Variants in ASIC2 observed in about 807,000 individuals in gnomAD.
The protein encoded by ASIC2 is acid sensing ion channel subunit 2.
In ASIC2, 25 loss-of-function variants were observed where a neutral mutation model predicts 57.3. The observed-to-expected ratio is 0.44, with a 90% CI of 0.32 to 0.61. The LOEUF is 0.61. Ranked by LOEUF, ASIC2 falls within the 20% of genes least tolerant of loss-of-function variation. The pLI, the probability that ASIC2 is intolerant of heterozygous loss-of-function variation, is 0.06. For synonymous variants in ASIC2, 319 were observed against 307.5 expected, an observed-to-expected ratio of 1.04 and a Z score of -0.39; for missense variants, 641 against 738.1, an observed-to-expected ratio of 0.87 and a Z score of 1.52.
At chr17:33,221,176 C>A (rs914716275) in intron 1 of ASIC2, among the ~76,000 whole-genome samples, 2 of 152,164 alleles carry the variant, frequency 1.3e-5, no homozygotes, top group African/African-American at 4.8e-5. Context: ...CTAGGCCTGG[C>A]TCTGTTGTAA....
chr17:34,148,556 C>A (rs1904382690), intron 1 of ASIC2, among the ~76,000 whole-genome samples: 1 of 152,152 alleles, frequency 6.6e-6, no homozygotes, highest in South Asian at 2.1e-4. Context: ...AATCTAGAGA[C>A]TTTACAGACG....
At chr17:33,614,893 G>A (rs1905542614) in intron 1 of ASIC2, among the ~76,000 whole-genome samples, 1 of 152,194 alleles carries the variant, frequency 6.6e-6, no homozygotes. Context: ...CTATGGGCAA[G>A]TCACTTTTAT....
chr17:34,039,403 G>A, intron 1 of ASIC2: 1 of 1,613,818 alleles, frequency 6.2e-7, no homozygotes, highest in Non-Finnish European at 8.5e-7. Context: ...GTCAAGCCGA[G>A]GTTTTGCTAG....
At chr17:33,830,439 A>T (rs184675127) in intron 1 of ASIC2, among the ~76,000 whole-genome samples, 1 of 152,256 alleles carries the variant, frequency 6.6e-6, no homozygotes, top group East Asian at 1.9e-4. Flanking sequence ...GTTGGGCCTG[A>T]AAACAACTTG....
intron 1 of ASIC2, among the ~76,000 whole-genome samples, chr17:33,688,454 C>G (rs1908263876): frequency 6.6e-6 from 1 of 152,130 alleles, no homozygotes; most frequent in South Asian, 2.1e-4. Flanking sequence ...AGTACACCCA[C>G]TCACCTGTGA....
intron 1 of ASIC2, among the ~76,000 whole-genome samples, chr17:33,226,823 G>C (rs909906146): frequency 2.0e-5 from 3 of 152,110 alleles, no homozygotes; most frequent in Non-Finnish European, 4.4e-5. Context: ...AATATAAAAA[G>C]AGTCTCATGT....
chr17:33,950,920 T>A (rs5022069), intron 1 of ASIC2, among the ~76,000 whole-genome samples: 40,475 of 151,970 alleles, frequency 0.27, 5,825 homozygotes, highest in Admixed American at 0.36. Flanking sequence ...CTTATTATAT[T>A]AACTGTCAGT....
chr17:34,107,249 C>T (rs537147058), intron 1 of ASIC2, among the ~76,000 whole-genome samples: 1 of 152,262 alleles, frequency 6.6e-6, no homozygotes. Context: ...CAGCTGTAAT[C>T]CCAGCACTTT....
intron 1 of ASIC2, among the ~76,000 whole-genome samples, chr17:34,092,463 T>C (rs973884291): frequency 6.6e-6 from 1 of 152,166 alleles, no homozygotes; most frequent in Admixed American, 6.5e-5. Flanking sequence ...ATGTCCAATG[T>C]CATTGTGTTG....
At chr17:34,011,293 C>T (rs749186345) in intron 1 of ASIC2, among the ~76,000 whole-genome samples, 11 of 152,104 alleles carry the variant, frequency 7.2e-5, no homozygotes, top group Admixed American at 2.6e-4. Flanking sequence ...TTTTCATGCC[C>T]GTGCCTTCCT....
At chr17:34,099,142 G>C (rs377697337) in intron 1 of ASIC2, among the ~76,000 whole-genome samples, 19 of 20,872 alleles carry the variant, frequency 9.1e-4, no homozygotes, top group East Asian at 4.8e-3. Context: ...GAGAGAGAGA[G>C]AGACAGAGAG....
chr17:33,748,985 CAG>C (rs1215559572), intron 1 of ASIC2, among the ~76,000 whole-genome samples: 1 of 152,194 alleles, frequency 6.6e-6, no homozygotes, highest in Admixed American at 6.5e-5. Flanking sequence ...GCCCTGGGCT[CAG>C]GGGGCCCTCG....
intron 1 of ASIC2, among the ~76,000 whole-genome samples, chr17:33,320,010 G>GAAGTAATTC (rs913474993): frequency 3.3e-5 from 5 of 152,164 alleles, no homozygotes; most frequent in Admixed American, 1.3e-4. Context: ...GCCTCCAGAG[G>GAAGTAATTC]AAGTAATTCA....
chr17:33,707,752 T>C (rs1178599017), intron 1 of ASIC2, among the ~76,000 whole-genome samples: 1 of 152,228 alleles, frequency 6.6e-6, no homozygotes, highest in Admixed American at 6.5e-5. Context: ...ATATCTGGTA[T>C]CTTTTCGCAT....
intron 1 of ASIC2, among the ~76,000 whole-genome samples, chr17:33,846,204 C>T (rs7213522): frequency 0.025 from 3,856 of 152,252 alleles, 182 homozygotes; most frequent in African/African-American, 0.089. Flanking sequence ...GCTCTTCTCC[C>T]GGGCCAGATA....
chr17:33,927,421 A>T (rs1915846750), intron 1 of ASIC2, among the ~76,000 whole-genome samples: 1 of 152,222 alleles, frequency 6.6e-6, no homozygotes, highest in Non-Finnish European at 1.5e-5. Context: ...TTACATTCTC[A>T]TGAACAGAAA....
upstream of ASIC2, among the ~76,000 whole-genome samples, chr17:33,293,974 C>T (rs1486715586): frequency 2.0e-5 from 3 of 151,938 alleles, no homozygotes; most frequent in Non-Finnish European, 4.4e-5. Flanking sequence ...TGAGGCATTG[C>T]GAGCAGGGTA....
intron 1 of ASIC2, among the ~76,000 whole-genome samples, chr17:33,257,032 C>T (rs976212914): frequency 2.6e-5 from 4 of 152,180 alleles, no homozygotes; most frequent in Non-Finnish European, 5.9e-5. Flanking sequence ...GACTGCCAGG[C>T]CCCTGGGTCT....
chr17:33,252,818 G>C lies in ASIC2; in HGVS notation c.708+38590C>G, dbSNP rs1314692164. ...ATCCAAGAACTTGGCTTTTCATTGG[G>C]CTATGGCCACATCTCTCCATTTTAA... On this transcript the variant is annotated intron_variant, in intron 1 of 9. Coordinates refer to ENST00000225823, the MANE Select transcript of ASIC2 (RefSeq NM_183377.2). 2.6e-5 allele frequency among the ~76,000 whole-genome samples: 4 copies of C among 151,994 alleles called. No individual in the cohort carries two copies. The East Asian group carries it at 7.7e-4, about 29-fold the overall frequency.
Sources: allele counts gnomAD v4.1 joint callset (sites outside exome capture counted in the v4.1 genomes callset), GRCh38; gene constraint gnomAD v4.1.1; transcripts MANE v1.5; gene names NCBI Gene and HGNC (gene_info 2026-07-23, HGNC 2026-07-21).